The following CHN2 variants were observed in gnomAD, a reference collection of about 807,000 sequenced individuals.
The protein encoded by CHN2 is chimerin 2, also known as beta-chimaerin.
CHN2 carries 35 observed loss-of-function variants against 56.3 expected under a neutral mutation model. The observed-to-expected ratio is 0.62, with a 90% confidence interval of 0.47 to 0.82. CHN2 has a LOEUF of 0.82. Ranked by LOEUF, CHN2 falls within the 40% of genes least tolerant of loss-of-function variation. The pLI, the probability that CHN2 is intolerant of heterozygous loss-of-function variation, is 0.00. For missense variants in CHN2, 491 were observed against 580.5 expected (o/e 0.85, Z 1.58); for synonymous variants, 210 against 212.8 (o/e 0.99, Z 0.12).
chr7:29,231,831 G>T (rs1217687801), intron 1 of CHN2, among the ~76,000 whole-genome samples: 1 of 152,144 alleles, frequency 6.6e-6, no homozygotes, highest in Non-Finnish European at 1.5e-5. Context: ...GTTGCTTGTT[G>T]TTCATCCTTA....
At chr7:29,379,956 T>C (rs1800362589) in intron 3 of CHN2, among the ~76,000 whole-genome samples, 1 of 152,052 alleles carries the variant, frequency 6.6e-6, no homozygotes, top group Non-Finnish European at 1.5e-5. Flanking sequence ...AATGCTAAAG[T>C]AGGTAATTTG....
chr7:29,318,785 A>T (rs2128892612), intron 1 of CHN2, among the ~76,000 whole-genome samples: 1 of 152,334 alleles, frequency 6.6e-6, no homozygotes, highest in East Asian at 1.9e-4. Context: ...AATAGCTATT[A>T]CCTTTAAATG....
intron 9 of CHN2, 73 bp from the exon 10 acceptor site, chr7:29,504,671 G>A (rs955387095): frequency 6.0e-6 from 6 of 994,498 alleles, no homozygotes; most frequent in East Asian, 2.4e-5. Context: ...TAGTATAGAC[G>A]TGAAATTAGT....
intron 2 of CHN2, among the ~76,000 whole-genome samples, chr7:29,178,206 C>G (rs1485256779): frequency 6.6e-6 from 1 of 152,216 alleles, no homozygotes; most frequent in Non-Finnish European, 1.5e-5. Flanking sequence ...GCTCTTCTTA[C>G]TATCCTTTTC....
Position 29,512,903 on chromosome 7 carries a change from TC to T in CHN2, c.*170del. The T allele has an allele frequency of 1.6e-6, 1 of 645,044 alleles. No individual in the cohort carries two copies. The highest frequency in any genetic ancestry group is 2.5e-6 in the Non-Finnish European group (1 of 393,090). The allele number at this position is 645,044 out of a possible 1,614,324, so 40.0% of individuals were successfully genotyped here. On this transcript the variant is annotated 3_prime_UTR_variant, in exon 13 of 13. Coordinates refer to ENST00000222792, the MANE Select transcript of CHN2 (RefSeq NM_004067.4). ...CTGTGTCTCATAGACATGCGCCACC[TC>T]CACGTGAGAACAAGGGTGAAGGTGA...
chr7:29,380,235 G>C (rs1408100831), intron 3 of CHN2, among the ~76,000 whole-genome samples: 2 of 151,556 alleles, frequency 1.3e-5, no homozygotes, highest in Non-Finnish European at 2.9e-5. Context: ...TGAACAATGA[G>C]TTCTCAAAGG....
At chr7:29,283,465 C>T (rs1036095648) in intron 1 of CHN2, among the ~76,000 whole-genome samples, 17 of 152,228 alleles carry the variant, frequency 1.1e-4, no homozygotes, top group African/African-American at 3.9e-4. Context: ...GGATTTCACT[C>T]TCTTTATTAG....
chr7:29,400,530 C>T lies in CHN2; in HGVS notation c.291-13C>T, dbSNP rs1318140955. On this transcript the variant is annotated splice_polypyrimidine_tract_variant and intron_variant, in intron 5 of 12. Transcript: ENST00000222792. ...TCTAACGTGGTTGTAATCCCTCATT[C>T]TCTCACGGGCAGGTTTGGAAACCAG... 6.2e-7 allele frequency: 1 copy of T among 1,612,322 alleles called. No individual in the cohort carries two copies. Among genetic ancestry groups the T allele is most frequent in the South Asian group, 1.1e-5 (1 of 90,920 alleles).
chr7:29,469,145 A>G (rs917373840), intron 6 of CHN2, among the ~76,000 whole-genome samples: 2 of 152,142 alleles, frequency 1.3e-5, no homozygotes, highest in African/African-American at 4.8e-5. Flanking sequence ...TCTTTCTTTC[A>G]TGTGCACTTC....
chr7:29,357,763 T>G (rs16875005), intron 2 of CHN2, among the ~76,000 whole-genome samples: 4,407 of 152,318 alleles, frequency 0.029, 231 homozygotes, highest in African/African-American at 0.1. Context: ...GAGATGCTTT[T>G]TAAAAAATCC....
chr7:29,160,434 T>A (rs747377915), intron 2 of CHN2, among the ~76,000 whole-genome samples: 1 of 152,228 alleles, frequency 6.6e-6, no homozygotes, highest in Non-Finnish European at 1.5e-5. Context: ...GGCAATAATG[T>A]ACCCAGGAGT....
At chr7:29,446,953 G>A (rs1272344050) in intron 6 of CHN2, among the ~76,000 whole-genome samples, 2 of 152,102 alleles carry the variant, frequency 1.3e-5, no homozygotes, top group South Asian at 2.1e-4. Flanking sequence ...AGATCCGCCC[G>A]GCAGATCACA....
intron 6 of CHN2, among the ~76,000 whole-genome samples, chr7:29,447,107 T>C (rs117670540): frequency 1.3e-5 from 2 of 152,168 alleles, no homozygotes; most frequent in East Asian, 3.9e-4. Flanking sequence ...AATGAAAAAT[T>C]ACAGATGGGG....
intron 1 of CHN2, among the ~76,000 whole-genome samples, chr7:29,250,403 A>G (rs556886836): frequency 2.4e-4 from 37 of 152,320 alleles, no homozygotes; most frequent in Non-Finnish European, 4.3e-4. Flanking sequence ...TTTATCCTGA[A>G]ATGTTACAGA....
intron 6 of CHN2, among the ~76,000 whole-genome samples, chr7:29,419,015 C>T (rs1014791669): frequency 6.6e-6 from 1 of 152,114 alleles, no homozygotes; most frequent in African/African-American, 2.4e-5. Context: ...GACTTCTCAG[C>T]GTACCAGTAT....
chr7:29,316,397 A>C (rs551782074), intron 1 of CHN2, among the ~76,000 whole-genome samples: 4 of 152,296 alleles, frequency 2.6e-5, no homozygotes, highest in African/African-American at 4.8e-5. Flanking sequence ...CCTTCATTAG[A>C]GATAAGTATA....
intron 2 of CHN2, among the ~76,000 whole-genome samples, chr7:29,171,667 A>G (rs1440329104): frequency 6.6e-5 from 10 of 152,226 alleles, no homozygotes; most frequent in Admixed American, 6.5e-4. Context: ...TGAACAATTC[A>G]GAGTATAGCA....
intron 1 of CHN2, among the ~76,000 whole-genome samples, chr7:29,273,837 T>C (rs960000643): frequency 6.6e-6 from 1 of 152,200 alleles, no homozygotes; most frequent in African/African-American, 2.4e-5. Context: ...TGCCATGTCA[T>C]GTCATGCACT....
At chr7:29,275,452 A>T (rs4722896) in intron 1 of CHN2, among the ~76,000 whole-genome samples, 17 of 152,054 alleles carry the variant, frequency 1.1e-4, no homozygotes, top group Admixed American at 1.3e-4. Flanking sequence ...GTTTTCCCAC[A>T]TGTAAGACTC....
Sources: gnomAD v4.1 joint callset for allele counts (sites outside exome capture counted in the v4.1 genomes callset) on GRCh38, gnomAD v4.1.1 for gene constraint, MANE v1.5 for transcripts, NCBI Gene and HGNC (gene_info 2026-07-23, HGNC 2026-07-21) for gene names.